The following RPS6KA5 variants were observed in gnomAD, a reference collection of about 807,000 sequenced individuals.
RPS6KA5 encodes the protein ribosomal protein S6 kinase alpha-5.
In RPS6KA5, 27 loss-of-function variants were observed where a neutral mutation model predicts 85.5. The observed-to-expected ratio is 0.32, with a 90% CI of 0.23 to 0.44. The LOEUF (loss-of-function observed/expected upper bound fraction) is 0.44. RPS6KA5 is among the 20% of genes least tolerant of loss of function. The probability of loss-of-function intolerance (pLI) is 1.00; values close to 1 mark genes in which losing one functional copy is unlikely to be tolerated. For missense variants in RPS6KA5, 811 were observed against 980.9 expected (o/e 0.83, Z 2.31); for synonymous variants, 334 against 348.2 (o/e 0.96, Z 0.46).
intron 3 of RPS6KA5, among the ~76,000 whole-genome samples, chr14:90,962,075 C>A (rs554366915): frequency 3.4e-4 from 52 of 152,286 alleles, no homozygotes; most frequent in African/African-American, 1.2e-3. Context: ...TCTTGATACA[C>A]TATATTATGA....
At chr14:90,883,988 C>G (rs536701499) in intron 14 of RPS6KA5, among the ~76,000 whole-genome samples, 1 of 152,132 alleles carries the variant, frequency 6.6e-6, no homozygotes, top group East Asian at 1.9e-4. Flanking sequence ...TGTCTGGCTC[C>G]CAAAGGGAAA....
At position 90,906,216 on chromosome 14, in the gene RPS6KA5, T is replaced by A; in HGVS notation, c.890A>T (p.Asp297Val). Residue 297 changes from aspartate to valine, a missense_variant, in exon 8 of 17, where the codon GAT becomes GTT. Coordinates refer to ENST00000614987, the MANE Select transcript of RPS6KA5 (RefSeq NM_004755.4). Reference sequence around the variant, plus strand: ...ACCACATCCCAATCTCTTCTTGGGATCTTTCATCAAAAGACGCTGAATTAG... The same window carrying A: ...ACCACATCCCAATCTCTTCTTGGGAACTTTCATCAAAAGACGCTGAATTAG... ...KDLIQRLLMK[D>V]PKKRLGCGPR... The A allele has an allele frequency of 6.2e-7, 1 of 1,613,238 alleles. No individual in the cohort carries two copies. Among genetic ancestry groups the A allele is most frequent in the East Asian group, 2.2e-5 (1 of 44,868 alleles).
chr14:91,053,883 A>C lies in RPS6KA5; in HGVS notation c.103+6449T>G, dbSNP rs149844686. ...ATCCATATGGAAATACAAGGAATCC[A>C]GAATAACCAAAACAATGTTGAAGAA... On this transcript the variant is annotated intron_variant, in intron 1 of 16. Coordinates refer to ENST00000614987, the MANE Select transcript of RPS6KA5 (RefSeq NM_004755.4). Among the ~76,000 whole-genome samples the C allele has an allele frequency of 3.0e-4, 45 of 152,366 alleles. No individual in the cohort carries two copies. The East Asian group carries it at 8.7e-3, about 29-fold the overall frequency.
chr14:90,922,290 T>C (rs2036435751), intron 6 of RPS6KA5, among the ~76,000 whole-genome samples: 1 of 152,184 alleles, frequency 6.6e-6, no homozygotes. Context: ...TGTTTCCGAA[T>C]GTTTTTCTAG....
intron 1 of RPS6KA5, among the ~76,000 whole-genome samples, chr14:91,011,106 GCAGAT>G (rs2041236498): frequency 6.6e-6 from 1 of 152,168 alleles, no homozygotes; most frequent in Non-Finnish European, 1.5e-5. Flanking sequence ...ATCACTGTAT[GCAGAT>G]CAGAAGAACT....
chr14:91,023,426 A>G (rs1257481457), intron 1 of RPS6KA5, among the ~76,000 whole-genome samples: 2 of 151,926 alleles, frequency 1.3e-5, no homozygotes, highest in Non-Finnish European at 2.9e-5. Context: ...AGCTAGGACT[A>G]CAGGCGTGCA....
chr14:90,994,069 T>G (rs76796176), intron 2 of RPS6KA5, among the ~76,000 whole-genome samples: 2,727 of 152,162 alleles, frequency 0.018, 65 homozygotes, highest in African/African-American at 0.063. Flanking sequence ...AGTTAGTTTG[T>G]TTTTCTAGAG....
chr14:90,918,512 T>A (rs2140284937), intron 7 of RPS6KA5, among the ~76,000 whole-genome samples: 1 of 152,342 alleles, frequency 6.6e-6, no homozygotes, highest in Non-Finnish European at 1.5e-5. Flanking sequence ...AGAGCAGAAA[T>A]ACTTAATTTT....
intron 3 of RPS6KA5, among the ~76,000 whole-genome samples, chr14:90,965,082 T>C (rs977022677): frequency 2.0e-5 from 3 of 152,094 alleles, no homozygotes; most frequent in Non-Finnish European, 4.4e-5. Context: ...CCACCAACAG[T>C]GAGTAAATAC....
intron 14 of RPS6KA5, among the ~76,000 whole-genome samples, chr14:90,877,273 TGAA>T (rs1403889508): frequency 2.0e-5 from 3 of 152,306 alleles, no homozygotes; most frequent in South Asian, 2.1e-4. Context: ...AGCAACCTAA[TGAA>T]GAAGATTAAT....
intron 1 of RPS6KA5, among the ~76,000 whole-genome samples, chr14:91,041,385 T>C (rs758932017): frequency 9.9e-5 from 15 of 152,234 alleles, no homozygotes; most frequent in Admixed American, 2.0e-4. Flanking sequence ...GACAATTGTA[T>C]GCAGAGAGAA....
intron 3 of RPS6KA5, among the ~76,000 whole-genome samples, chr14:90,966,159 T>G (rs1203359729): frequency 6.6e-6 from 1 of 152,184 alleles, no homozygotes; most frequent in Non-Finnish European, 1.5e-5. Context: ...AACGCAGATA[T>G]GTGTCCTGGG....
At chr14:90,974,996 T>C (rs2140467790) in intron 3 of RPS6KA5, among the ~76,000 whole-genome samples, 1 of 152,324 alleles carries the variant, frequency 6.6e-6, no homozygotes, top group South Asian at 2.1e-4. Context: ...CAAACTCATT[T>C]TGATAAAACA....
chr14:91,000,414 C>T (rs1268765896), intron 2 of RPS6KA5, among the ~76,000 whole-genome samples: 2 of 152,114 alleles, frequency 1.3e-5, no homozygotes, highest in African/African-American at 4.8e-5. Context: ...CTGAGTTGAA[C>T]AAAGATTGAA....
At position 90,906,241 on chromosome 14, in the gene RPS6KA5, G is replaced by C; in HGVS notation, c.865C>G (p.Leu289Val). ...PQEMSALAKDLIQRLLMKDPK... is the reference protein window; with the variant it reads ...PQEMSALAKDVIQRLLMKDPK... ...TCTTTCATCAAAAGACGCTGAATTAGGTCTTTCGCTAAAGCACTCATTTCT... is the reference window on the plus strand; with the variant it reads ...TCTTTCATCAAAAGACGCTGAATTACGTCTTTCGCTAAAGCACTCATTTCT... Residue 289 changes from leucine to valine, a missense_variant, in exon 8 of 17, where the codon CTA becomes GTA. Transcript: ENST00000614987. The C allele has an allele frequency of 6.2e-7, 1 of 1,612,206 alleles. No individual in the cohort carries two copies. Among genetic ancestry groups the C allele is most frequent in the Non-Finnish European group, 8.5e-7 (1 of 1,178,600 alleles).
Position 90,902,979 on chromosome 14 carries a change from A to C in RPS6KA5, c.958-10T>G. The C allele has an allele frequency of 6.2e-7, 1 of 1,607,494 alleles. No individual in the cohort carries two copies. ...CATCCCAATTTATTTTCTAAAACAA[A>C]GAAAGTTGGTACAAAGTAGAAATCA... On this transcript the variant is annotated splice_polypyrimidine_tract_variant and intron_variant, in intron 8 of 16. Transcript: ENST00000614987.
At chr14:90,955,445 G>T (rs80055182) in intron 3 of RPS6KA5, among the ~76,000 whole-genome samples, 4,977 of 152,076 alleles carry the variant, frequency 0.033, 276 homozygotes, top group African/African-American at 0.12. Context: ...TGGAGACGGG[G>T]TCTCACACTT....
rs2033012077 is a variant in RPS6KA5 at position 90,870,238 on chromosome 14, G to C, written c.*1836C>G. 6.6e-6 allele frequency: 1 copy of C among 152,058 alleles called. No individual in the cohort carries two copies. Among genetic ancestry groups the C allele is most frequent in the Non-Finnish European group, 1.5e-5 (1 of 68,004 alleles). The allele number at this position is 152,058 out of a possible 1,614,324, so 9.4% of individuals were successfully genotyped here. ...TAATTATAAATATGGTCATTTTCTT[G>C]ATTACTAGAGATCTGTGCCTGATGG... On this transcript the variant is annotated 3_prime_UTR_variant, in exon 17 of 17. Coordinates refer to ENST00000614987, the MANE Select transcript of RPS6KA5 (RefSeq NM_004755.4).
intron 1 of RPS6KA5, among the ~76,000 whole-genome samples, chr14:91,035,188 A>G: frequency 6.6e-6 from 1 of 151,576 alleles, no homozygotes. Context: ...CTGATTTCAC[A>G]TCTCCCCACT....
Sources: allele counts gnomAD v4.1 joint callset (sites outside exome capture counted in the v4.1 genomes callset), GRCh38; gene constraint gnomAD v4.1.1; transcripts MANE v1.5; gene names NCBI Gene and HGNC (gene_info 2026-07-23, HGNC 2026-07-21).